Variants in PIK3CA observed in about 807,000 individuals in gnomAD.
PIK3CA encodes the protein phosphatidylinositol 4,5-bisphosphate 3-kinase catalytic subunit alpha isoform.
PIK3CA carries 27 observed loss-of-function variants against 138.2 expected under a neutral mutation model. That is an observed-to-expected ratio of 0.20 (90% CI 0.14 to 0.27). PIK3CA has a LOEUF of 0.27. Ranked by LOEUF, PIK3CA falls within the 10% of genes least tolerant of loss-of-function variation. PIK3CA has a pLI of 1.00. For missense variants in PIK3CA, 544 were observed against 1,277.4 expected, an observed-to-expected ratio of 0.43 and a Z score of 8.75; for synonymous variants, 358 against 413.2, an observed-to-expected ratio of 0.87 and a Z score of 1.62.
intron 6 of PIK3CA, among the ~76,000 whole-genome samples, chr3:179,205,073 G>A (rs1331416770): frequency 6.8e-6 from 1 of 147,556 alleles, no homozygotes; most frequent in Non-Finnish European, 1.5e-5. Context: ...AGGCACAGTG[G>A]CATGTGCCTG....
chr3:179,185,061 A>G (rs2108373850), intron 1 of PIK3CA, among the ~76,000 whole-genome samples: 2 of 152,314 alleles, frequency 1.3e-5, no homozygotes, highest in South Asian at 4.2e-4. Flanking sequence ...GTGTGTAGCA[A>G]CTGTTTTCCA....
intron 1 of PIK3CA, among the ~76,000 whole-genome samples, chr3:179,188,454 A>G (rs1724048106): frequency 6.6e-6 from 1 of 152,212 alleles, no homozygotes; most frequent in South Asian, 2.1e-4. Flanking sequence ...GGCAAATGTT[A>G]GTATATTTTT....
intron 7 of PIK3CA, 126 bp from the exon 8 acceptor site, chr3:179,210,060 A>AT (rs67871207): frequency 0.038 from 20,180 of 535,450 alleles, no homozygotes; most frequent in East Asian, 0.055. Context: ...TGAAAAATCA[A>AT]TTTTTTTTTT....
rs1348558778 is a variant in PIK3CA at position 179,239,741 on chromosome 3, C to G, written c.*5377C>G. On this transcript the variant is annotated 3_prime_UTR_variant, in exon 21 of 21. Coordinates refer to ENST00000263967, the MANE Select transcript of PIK3CA (RefSeq NM_006218.4). The stretch of plus-strand genomic sequence containing the variant: ...GCTTTATCAAGAAATTCGAACCACC[C>G]TTTTGGCCCCATTAATTGTAGCAAG... 2.6e-6 allele frequency: 1 copy of G among 385,444 alleles called. No individual in the cohort carries two copies. Among genetic ancestry groups the G allele is most frequent in the Admixed American group, 4.4e-5 (1 of 22,774 alleles). 23.9% of individuals were successfully genotyped at this position (385,444 alleles called of 1,614,324 possible).
intron 1 of PIK3CA, among the ~76,000 whole-genome samples, chr3:179,195,063 G>A (rs1724232237): frequency 6.7e-6 from 1 of 150,072 alleles, no homozygotes; most frequent in Non-Finnish European, 1.5e-5. Context: ...AGGGATTCCT[G>A]ACACCTACGC....
At chr3:179,203,485 T>C in intron 4 of PIK3CA, 59 bp from the exon 5 acceptor site, 1 of 1,512,508 alleles carries the variant, frequency 6.6e-7, no homozygotes. Flanking sequence ...TACTCTGACA[T>C]GTTACTTTTA....
Position 179,218,435 on chromosome 3 carries a change from T to A in PIK3CA, c.1664+101T>A, listed in dbSNP as rs1208519913. 5.9e-5 allele frequency: 50 copies of A among 845,640 alleles called. No individual in the cohort carries two copies. The South Asian group carries it at 1.2e-3, about 21-fold the overall frequency. The allele number at this position is 845,640 out of a possible 1,614,324, so 52.4% of individuals were successfully genotyped here. ...CATGTTTTTACCATACCTATTGGAA[T>A]AAATAAAGCAGAATTTACATGATTT... On this transcript the variant is annotated intron_variant, in intron 10 of 20. Transcript: ENST00000263967.
chr3:179,163,408 C>T (rs1307837890), intron 1 of PIK3CA, among the ~76,000 whole-genome samples: 1 of 152,132 alleles, frequency 6.6e-6, no homozygotes, highest in East Asian at 1.9e-4. Flanking sequence ...CTAGTCCAAG[C>T]TACTCAGGAG....
intron 1 of PIK3CA, among the ~76,000 whole-genome samples, chr3:179,189,413 TTATC>T (rs1424517022): frequency 1.3e-5 from 2 of 152,160 alleles, no homozygotes; most frequent in Non-Finnish European, 2.9e-5. Flanking sequence ...AGTTCATGCT[TTATC>T]TAATAATCTA....
intron 1 of PIK3CA, among the ~76,000 whole-genome samples, chr3:179,169,772 T>TATAATTAAAA (rs750984730): frequency 1.8e-4 from 27 of 152,368 alleles, no homozygotes; most frequent in Middle Eastern, 6.8e-3. Flanking sequence ...TATTAAAAGC[T>TATAATTAAAA]GTTATAATAC....
At position 179,165,038 on chromosome 3, in the gene PIK3CA, ATTTCAC is replaced by A. The variant is rs563203704; in HGVS notation, c.-77+16439_-77+16444del. 2.9e-3 allele frequency among the ~76,000 whole-genome samples: 439 copies of A among 151,858 alleles called. 1 individual carries two copies. The highest frequency in any genetic ancestry group is 0.01 in the African/African-American group (422 of 41,382). Reference sequence around the variant, plus strand: ...CACTGCCTTAGTTTATTCCTTTCTCATTTCACTTTACTGTCCCTACCTGTCCTTCTA... The same window carrying A: ...CACTGCCTTAGTTTATTCCTTTCTCATTTACTGTCCCTACCTGTCCTTCTA... On this transcript the variant is annotated intron_variant, in intron 1 of 20. Coordinates refer to ENST00000263967, the MANE Select transcript of PIK3CA (RefSeq NM_006218.4).
At chr3:179,193,298 A>G (rs1394739817) in intron 1 of PIK3CA, among the ~76,000 whole-genome samples, 1 of 152,262 alleles carries the variant, frequency 6.6e-6, no homozygotes, top group African/African-American at 2.4e-5. Flanking sequence ...AAGGTCATAC[A>G]GCAGAGCCTC....
In PIK3CA at chr3:179,239,496, T is replaced by C. The variant is rs1025704045; in HGVS notation, c.*5132T>C. ...AAAGTCCCTTGTTCAATTTAACTTA[T>C]GTTCCTAAGAGAGGTTGGAGAACTT... On this transcript the variant is annotated 3_prime_UTR_variant, in exon 21 of 21. Coordinates refer to ENST00000263967, the MANE Select transcript of PIK3CA (RefSeq NM_006218.4). 12 of 210,804 alleles carry C rather than the reference T, an allele frequency of 5.7e-5. No homozygotes were observed. The highest frequency in any genetic ancestry group is 1.6e-4 in the African/African-American group (7 of 44,246). The allele number at this position is 210,804 out of a possible 1,614,324, so 13.1% of individuals were successfully genotyped here.
chr3:179,198,528 A>G (rs181821953), intron 1 of PIK3CA, among the ~76,000 whole-genome samples: 4 of 152,352 alleles, frequency 2.6e-5, no homozygotes, highest in Non-Finnish European at 4.4e-5. Flanking sequence ...ACTTTATTAA[A>G]TTTAATTAAA....
chr3:179,196,574 C>T (rs916560694), intron 1 of PIK3CA, among the ~76,000 whole-genome samples: 2 of 152,074 alleles, frequency 1.3e-5, no homozygotes, highest in African/African-American at 4.8e-5. Flanking sequence ...AAATATTTTT[C>T]TTATATTCTT....
In PIK3CA at chr3:179,230,819, T is replaced by A. The variant is rs1348636813; in HGVS notation, c.2936+443T>A. On this transcript the variant is annotated intron_variant, in intron 20 of 20. Coordinates refer to ENST00000263967, the MANE Select transcript of PIK3CA (RefSeq NM_006218.4). This position sits in a 1 kb window ranked among gnomAD's most constrained non-coding sequence, Gnocchi z 5.4. ...TCAGCAAAAACTATTTTTTGTTTGT[T>A]TTTTATTCTATCTTATTTCAATAGC... 1.3e-5 allele frequency among the ~76,000 whole-genome samples: 2 copies of A among 152,182 alleles called. No homozygotes were observed. The highest frequency in any genetic ancestry group is 2.9e-5 in the Non-Finnish European group (2 of 68,024).
At chr3:179,160,686 T>A (rs1000238020) in intron 1 of PIK3CA, among the ~76,000 whole-genome samples, 8 of 152,234 alleles carry the variant, frequency 5.3e-5, no homozygotes, top group Non-Finnish European at 1.2e-4. Context: ...TGTATATAGT[T>A]CTATTGTTTT....
intron 6 of PIK3CA, among the ~76,000 whole-genome samples, chr3:179,205,329 T>C (rs1049614113): frequency 2.0e-5 from 3 of 152,334 alleles, no homozygotes; most frequent in Non-Finnish European, 2.9e-5. Flanking sequence ...GATTATTTTA[T>C]TGATTCTGTC....
chr3:179,212,072 A>G lies in PIK3CA; in HGVS notation c.1539+1507A>G, dbSNP rs142868988. 3.7e-3 allele frequency among the ~76,000 whole-genome samples: 558 copies of G among 151,604 alleles called. 4 individuals are homozygous for G. Among genetic ancestry groups the G allele is most frequent in the African/African-American group, 0.013 (543 of 41,044 alleles). ...GCTCAGGCTAGAGTGCAATGGCACA[A>G]TCTTGGCTCACTGCAACCTCTGCCT... On this transcript the variant is annotated intron_variant, in intron 9 of 20. Coordinates refer to ENST00000263967, the MANE Select transcript of PIK3CA (RefSeq NM_006218.4).
Sources: gnomAD v4.1 joint callset for allele counts (sites outside exome capture counted in the v4.1 genomes callset) on GRCh38, gnomAD v4.1.1 for gene constraint, Gnocchi (gnomAD v3.1) non-coding constraint, MANE v1.5 for transcripts, NCBI Gene and HGNC (gene_info 2026-07-23, HGNC 2026-07-21) for gene names.